The following CPA6 variants were observed in gnomAD, a reference collection of about 807,000 sequenced individuals.
CPA6 encodes the protein carboxypeptidase A6.
CPA6 carries 58 observed loss-of-function variants against 63.3 expected under a neutral mutation model. The ratio of observed to expected loss-of-function variants is 0.92; its 90% CI spans 0.74 to 1.14. The LOEUF (loss-of-function observed/expected upper bound fraction) is 1.14. Ranked by LOEUF, CPA6 falls within the 50% of genes most tolerant of loss-of-function variation. CPA6 has a pLI of 0.00. For missense variants in CPA6, 565 were observed against 526.6 expected, an observed-to-expected ratio of 1.07 and a Z score of -0.71; for synonymous variants, 185 against 179.0, an observed-to-expected ratio of 1.03 and a Z score of -0.27.
At chr8:67,473,250 A>G (rs1239207520) in intron 8 of CPA6, among the ~76,000 whole-genome samples, 1 of 152,246 alleles carries the variant, frequency 6.6e-6, no homozygotes, top group African/African-American at 2.4e-5. Context: ...GTTTGCAAAA[A>G]TATGTTTAAG....
intron 2 of CPA6, among the ~76,000 whole-genome samples, chr8:67,530,446 A>G (rs936129989): frequency 6.6e-6 from 1 of 152,202 alleles, no homozygotes; most frequent in African/African-American, 2.4e-5. Flanking sequence ...GAGTAACGAC[A>G]AACTAGTCCT....
intron 1 of CPA6, among the ~76,000 whole-genome samples, chr8:67,642,976 G>C (rs1369616609): frequency 2.0e-5 from 3 of 152,120 alleles, no homozygotes; most frequent in African/African-American, 4.8e-5. Flanking sequence ...ATATTAAAAT[G>C]AGGAACTTTT....
At chr8:67,690,932 T>C (rs1014005013) in intron 1 of CPA6, among the ~76,000 whole-genome samples, 15 of 152,208 alleles carry the variant, frequency 9.9e-5, no homozygotes, top group African/African-American at 1.7e-4. Context: ...TCATCTACAC[T>C]AAGTTTAATG....
chr8:67,474,698 G>A (rs1325792742), intron 8 of CPA6, among the ~76,000 whole-genome samples: 3 of 152,074 alleles, frequency 2.0e-5, no homozygotes, highest in Non-Finnish European at 1.5e-5. Flanking sequence ...TCTTCTGGTC[G>A]GACATGGTGG....
Position 67,469,800 on chromosome 8 carries a change from C to G in CPA6, c.838+13968G>C, listed in dbSNP as rs186558311. On this transcript the variant is annotated intron_variant, in intron 8 of 10. Transcript: ENST00000297770. The stretch of plus-strand genomic sequence containing the variant: ...AATGCCTTAAACACGCTGTCTCTCT[C>G]TATACATCCAATTGGTTCTGTTTAT... Among the ~76,000 whole-genome samples the G allele has an allele frequency of 1.1e-4, 16 of 152,258 alleles. No homozygotes were observed. In the East Asian group the frequency reaches 2.3e-3, roughly 22 times the overall value.
chr8:67,422,781 T>C lies in CPA6; in HGVS notation c.1127-90A>G. ...TATATACTATAAAGTATCCGCTTAT[T>C]AAGCTTTACTAAATCCTTCCAATTA... On this transcript the variant is annotated intron_variant, in intron 10 of 10. Coordinates refer to ENST00000297770, the MANE Select transcript of CPA6 (RefSeq NM_020361.5). The C allele has an allele frequency of 3.3e-6, 3 of 918,068 alleles. No homozygotes were observed. In the South Asian group the frequency reaches 6.0e-5, roughly 18 times the overall value. The allele number at this position is 918,068 out of a possible 1,614,324, so 56.9% of individuals were successfully genotyped here. A position where few individuals can be genotyped will look rare whatever the true frequency, so the allele number is the denominator to read the frequency against.
At chr8:67,477,267 G>T (rs1236561791) in intron 8 of CPA6, among the ~76,000 whole-genome samples, 2 of 141,900 alleles carry the variant, frequency 1.4e-5, no homozygotes, top group Non-Finnish European at 3.0e-5. Context: ...TCCAGCCTGG[G>T]TGACAGAGGG....
chr8:67,428,404 C>T (rs577118147), intron 9 of CPA6, among the ~76,000 whole-genome samples: 50 of 151,782 alleles, frequency 3.3e-4, no homozygotes, highest in Non-Finnish European at 5.7e-4. Flanking sequence ...TAAATGGGTA[C>T]GCAGAATGGT....
At chr8:67,719,639 C>T (rs1817453207) in intron 1 of CPA6, among the ~76,000 whole-genome samples, 1 of 151,966 alleles carries the variant, frequency 6.6e-6, no homozygotes, top group Non-Finnish European at 1.5e-5. Context: ...GGGGGTGAAA[C>T]TGGAAGCAGA....
chr8:67,526,122 G>A (rs1262317743), intron 2 of CPA6, among the ~76,000 whole-genome samples: 3 of 152,162 alleles, frequency 2.0e-5, no homozygotes, highest in African/African-American at 7.2e-5. Flanking sequence ...ACTTAGAAAC[G>A]ACTTATTATG....
chr8:67,700,439 CAAAG>C (rs1304187899), intron 1 of CPA6, among the ~76,000 whole-genome samples: 1 of 152,132 alleles, frequency 6.6e-6, no homozygotes, highest in African/African-American at 2.4e-5. Context: ...TTTCCTCAGA[CAAAG>C]AAAGTCTTTT....
chr8:67,667,862 A>G (rs888420107), intron 1 of CPA6, among the ~76,000 whole-genome samples: 1 of 152,242 alleles, frequency 6.6e-6, no homozygotes, highest in Non-Finnish European at 1.5e-5. Context: ...GGTGCAGGGC[A>G]CCAGGGACAG....
At chr8:67,560,178 TTCCAG>T (rs1813173685) in intron 2 of CPA6, among the ~76,000 whole-genome samples, 1 of 150,314 alleles carries the variant, frequency 6.7e-6, no homozygotes, top group South Asian at 2.1e-4. Context: ...TATATATATA[TTCCAG>T]ATGTACTTTT....
At chr8:67,581,083 T>C (rs1221148806) in intron 2 of CPA6, among the ~76,000 whole-genome samples, 1 of 152,154 alleles carries the variant, frequency 6.6e-6, no homozygotes, top group Non-Finnish European at 1.5e-5. Context: ...ACGAGGGATG[T>C]CTTGACTGAA....
At chr8:67,705,585 T>G (rs1317644501) in intron 1 of CPA6, among the ~76,000 whole-genome samples, 1 of 152,174 alleles carries the variant, frequency 6.6e-6, no homozygotes, top group Non-Finnish European at 1.5e-5. Flanking sequence ...ACCTCTTTGG[T>G]GCAAAAATAT....
chr8:67,508,643 G>C (rs1263869062), intron 5 of CPA6, among the ~76,000 whole-genome samples: 1 of 152,108 alleles, frequency 6.6e-6, no homozygotes, highest in Non-Finnish European at 1.5e-5. Flanking sequence ...AATTAGGAGT[G>C]GTTGCTGGCC....
chr8:67,604,886 T>C (rs1291578257), intron 2 of CPA6, among the ~76,000 whole-genome samples: 3 of 152,118 alleles, frequency 2.0e-5, no homozygotes, highest in Admixed American at 6.5e-5. Context: ...CAAGCGATTT[T>C]CCCGCCTCAG....
rs529854250 is a variant in CPA6 at position 67,720,933 on chromosome 8, A to G, written c.116+25081T>C. ...AGTTGATCTCTCCTCTTCCAACTGC[A>G]CAATTAGGAGGCACCACATAATACT... On this transcript the variant is annotated intron_variant, in intron 1 of 10. Transcript: ENST00000297770. Among the ~76,000 whole-genome samples the G allele has an allele frequency of 6.6e-5, 10 of 152,308 alleles. No homozygotes were observed. The South Asian group carries it at 2.1e-3, about 32-fold the overall frequency.
At chr8:67,686,009 T>A (rs1816701862) in intron 1 of CPA6, among the ~76,000 whole-genome samples, 6 of 152,230 alleles carry the variant, frequency 3.9e-5, no homozygotes, top group Admixed American at 2.0e-4. Flanking sequence ...CAGCACTCAC[T>A]GCCGCTTGAT....
Sources: gnomAD v4.1 joint callset for allele counts (sites outside exome capture counted in the v4.1 genomes callset) on GRCh38, gnomAD v4.1.1 for gene constraint, MANE v1.5 for transcripts, NCBI Gene and HGNC (gene_info 2026-07-23, HGNC 2026-07-21) for gene names.